Variants in KIF26B observed in about 807,000 individuals in gnomAD.
The protein encoded by KIF26B is kinesin family member 26B, also known as kinesin-like protein KIF26B.
KIF26B carries 63 observed loss-of-function variants against 151.2 expected under a neutral mutation model. That is an observed-to-expected ratio of 0.42 (90% CI 0.34 to 0.51). The LOEUF (loss-of-function observed/expected upper bound fraction) is 0.51, where lower values mean the gene tolerates loss of function less well. Among genes scored for constraint, KIF26B ranks in the 20% least tolerant of loss-of-function variants. KIF26B has a pLI of 0.07. For synonymous variants in KIF26B, 1,357 were observed against 1,262.1 expected, an observed-to-expected ratio of 1.08 and a Z score of -1.59; for missense variants, 2,813 against 2,913.6, an observed-to-expected ratio of 0.97 and a Z score of 0.79.
At chr1:245,275,737 T>C (rs1573747128) in intron 2 of KIF26B, among the ~76,000 whole-genome samples, 1 of 152,188 alleles carries the variant, frequency 6.6e-6, no homozygotes, top group East Asian at 1.9e-4. Flanking sequence ...ATGTTTACCT[T>C]TGGTAGTGAA....
intron 12 of KIF26B, among the ~76,000 whole-genome samples, chr1:245,691,581 CTTCT>C (rs2044627487): frequency 6.6e-6 from 1 of 152,150 alleles, no homozygotes; most frequent in Non-Finnish European, 1.5e-5. Flanking sequence ...TCAAAAGCAA[CTTCT>C]TTAAGAGAAG....
chr1:245,600,139 C>T (rs372554783), intron 5 of KIF26B, among the ~76,000 whole-genome samples: 13 of 54,432 alleles, frequency 2.4e-4, no homozygotes, highest in Admixed American at 3.3e-4. Context: ...CCCGGGTTCA[C>T]GCCATTCTTC....
intron 2 of KIF26B, among the ~76,000 whole-genome samples, chr1:245,335,011 G>A (rs77379926): frequency 0.019 from 2,864 of 152,274 alleles, 105 homozygotes; most frequent in African/African-American, 0.064. Flanking sequence ...AGCATGTTCC[G>A]CTGGGGCTGT....
At chr1:245,301,790 A>G (rs959760414) in intron 2 of KIF26B, among the ~76,000 whole-genome samples, 3 of 152,250 alleles carry the variant, frequency 2.0e-5, no homozygotes, top group Non-Finnish European at 2.9e-5. Context: ...TGGATCTCAA[A>G]GAAATCCCTG....
chr1:245,274,704 C>A (rs1670910187), intron 2 of KIF26B, among the ~76,000 whole-genome samples: 1 of 152,112 alleles, frequency 6.6e-6, no homozygotes, highest in Non-Finnish European at 1.5e-5. Flanking sequence ...GTGCATGTGT[C>A]TTTATAGTAG....
At chr1:245,636,349 CG>C (rs1371640562) in intron 9 of KIF26B, among the ~76,000 whole-genome samples, 7 of 110,372 alleles carry the variant, frequency 6.3e-5, no homozygotes, top group African/African-American at 1.6e-4. Context: ...CATTATAGAA[CG>C]TTTTTTTTTT....
intron 4 of KIF26B, among the ~76,000 whole-genome samples, chr1:245,423,115 A>G (rs1658532961): frequency 6.9e-6 from 1 of 145,914 alleles, no homozygotes; most frequent in Non-Finnish European, 1.5e-5. Context: ...AAAAAAAAAA[A>G]GGAAAGAAAG....
intron 9 of KIF26B, among the ~76,000 whole-genome samples, chr1:245,640,544 C>T (rs2043881710): frequency 6.6e-6 from 1 of 152,004 alleles, no homozygotes; most frequent in Non-Finnish European, 1.5e-5. Flanking sequence ...GGCCTTCCTA[C>T]TGCCATTTTA....
chr1:245,589,359 A>C (rs540302850), intron 5 of KIF26B, among the ~76,000 whole-genome samples: 30 of 152,180 alleles, frequency 2.0e-4, no homozygotes, highest in Middle Eastern at 3.4e-3. Context: ...GCAGGCTGGC[A>C]AGGCCTTTAT....
At position 245,495,619 on chromosome 1, in the gene KIF26B, T is replaced by C. The variant is rs1660497038; in HGVS notation, c.1167-45148T>C. Among the ~76,000 whole-genome samples, 1 of 152,164 alleles carries C rather than the reference T, an allele frequency of 6.6e-6. No individual in the cohort carries two copies. The highest frequency in any genetic ancestry group is 2.4e-5 in the African/African-American group (1 of 41,444). ...TACATAGCTATAATTTGGTCTATAGTTTGGTATCCATTAATGAACCTCTCC... is the reference window on the plus strand; with the variant it reads ...TACATAGCTATAATTTGGTCTATAGCTTGGTATCCATTAATGAACCTCTCC... On this transcript the variant is annotated intron_variant, in intron 4 of 14. Coordinates refer to ENST00000407071, the MANE Select transcript of KIF26B (RefSeq NM_018012.4). This position sits in a 1 kb window ranked among gnomAD's most constrained non-coding sequence, Gnocchi z 4.2.
At chr1:245,544,540 G>A (rs1437968863) in intron 5 of KIF26B, among the ~76,000 whole-genome samples, 1 of 143,782 alleles carries the variant, frequency 7.0e-6, no homozygotes, top group Non-Finnish European at 1.5e-5. Context: ...TTCTTATTTA[G>A]TAGACAAGAA....
intron 2 of KIF26B, among the ~76,000 whole-genome samples, chr1:245,157,561 G>T (rs1451876538): frequency 2.6e-5 from 4 of 152,224 alleles, no homozygotes; most frequent in South Asian, 4.1e-4. Context: ...GAATGACTGC[G>T]TCTGCTGGCC....
chr1:245,446,965 T>C (rs1050401681), intron 4 of KIF26B, among the ~76,000 whole-genome samples: 4 of 152,222 alleles, frequency 2.6e-5, no homozygotes, highest in African/African-American at 9.6e-5. Flanking sequence ...AGATAGTTTC[T>C]GATTACAGCC....
intron 9 of KIF26B, among the ~76,000 whole-genome samples, chr1:245,615,380 C>T (rs2043577540): frequency 6.6e-6 from 1 of 152,014 alleles, no homozygotes. Context: ...TTCTTTTTTG[C>T]AGTTCTGCTT....
chr1:245,299,448 T>G (rs1379249590), intron 2 of KIF26B, among the ~76,000 whole-genome samples: 1 of 152,082 alleles, frequency 6.6e-6, no homozygotes, highest in Non-Finnish European at 1.5e-5. Context: ...CAGATGGTAT[T>G]TTCATAGGAA....
At chr1:245,440,176 G>C (rs985592120) in intron 4 of KIF26B, among the ~76,000 whole-genome samples, 1 of 151,820 alleles carries the variant, frequency 6.6e-6, no homozygotes, top group African/African-American at 2.4e-5. Flanking sequence ...AGCCGAGATC[G>C]TGCCACTGCA....
intron 2 of KIF26B, among the ~76,000 whole-genome samples, chr1:245,322,936 T>A (rs1671917323): frequency 6.6e-6 from 1 of 152,212 alleles, no homozygotes; most frequent in Non-Finnish European, 1.5e-5. Flanking sequence ...AGCTCATGGA[T>A]GAACGTTTCT....
At chr1:245,553,450 C>T (rs958988785) in intron 5 of KIF26B, among the ~76,000 whole-genome samples, 1 of 152,200 alleles carries the variant, frequency 6.6e-6, no homozygotes, top group African/African-American at 2.4e-5. Flanking sequence ...GGCTGGTCGT[C>T]CTCCTCTGCC....
chr1:245,465,070 C>CT (rs1261605184), intron 4 of KIF26B, among the ~76,000 whole-genome samples: 1 of 148,178 alleles, frequency 6.7e-6, no homozygotes, highest in Non-Finnish European at 1.5e-5. Context: ...GCTCCGCCTC[C>CT]CGGGTTCACG....
Sources: allele counts gnomAD v4.1 joint callset (sites outside exome capture counted in the v4.1 genomes callset), GRCh38; gene constraint gnomAD v4.1.1; non-coding constraint Gnocchi (gnomAD v3.1); transcripts MANE v1.5; gene names NCBI Gene and HGNC (gene_info 2026-07-23, HGNC 2026-07-21).